Variants in DLC1 observed in about 807,000 individuals in gnomAD.
The protein encoded by DLC1 is rho GTPase-activating protein 7.
A neutral mutation model predicts 140.3 loss-of-function variants in DLC1; 54 were observed. The observed-to-expected ratio is 0.38, with a 90% CI of 0.31 to 0.48. The LOEUF is 0.48. Among genes scored for constraint, DLC1 ranks in the 20% least tolerant of loss-of-function variants. DLC1 has a pLI of 0.96. For missense variants in DLC1, 2,536 were observed against 1,907.0 expected, an observed-to-expected ratio of 1.33 and a Z score of -6.14; for synonymous variants, 986 against 728.1, an observed-to-expected ratio of 1.35 and a Z score of -5.70.
At chr8:13,580,982 C>G (rs1369276413) in intron 1 of DLC1, among the ~76,000 whole-genome samples, 3 of 152,144 alleles carry the variant, frequency 2.0e-5, no homozygotes, top group Non-Finnish European at 4.4e-5. Context: ...AAGGGGTACC[C>G]CAGCTTTCTT....
chr8:13,520,765 C>T (rs1477604047), intron 1 of DLC1, among the ~76,000 whole-genome samples: 1 of 152,106 alleles, frequency 6.6e-6, no homozygotes, highest in Non-Finnish European at 1.5e-5. Context: ...CCCAGCCATG[C>T]AAGATTTTGT....
intron 4 of DLC1, among the ~76,000 whole-genome samples, chr8:13,355,767 A>G (rs1834913110): frequency 6.6e-6 from 1 of 151,888 alleles, no homozygotes; most frequent in Non-Finnish European, 1.5e-5. Flanking sequence ...CTCTAACACA[A>G]AGTTGTACTG....
At chr8:13,597,700 C>T (rs1021085) in intron 1 of DLC1, among the ~76,000 whole-genome samples, 147,001 of 152,148 alleles carry the variant, frequency 0.97, 71,188 homozygotes, top group Non-Finnish European at 1. Flanking sequence ...CATTATGATA[C>T]AGAAAATGTG....
chr8:13,120,342 C>CA (rs1554577908), intron 5 of DLC1, among the ~76,000 whole-genome samples: 1,609 of 58,786 alleles, frequency 0.027, 128 homozygotes, highest in African/African-American at 0.071. Flanking sequence ...GACTCCGTCG[C>CA]AAAAAAAAAA....
intron 4 of DLC1, among the ~76,000 whole-genome samples, chr8:13,377,467 T>C (rs574490894): frequency 3.9e-5 from 6 of 152,320 alleles, no homozygotes; most frequent in Admixed American, 3.3e-4. Context: ...TAAACTACTA[T>C]AAACATACTC....
chr8:13,283,866 G>C (rs538903826), intron 5 of DLC1, among the ~76,000 whole-genome samples: 2 of 152,304 alleles, frequency 1.3e-5, no homozygotes, highest in Non-Finnish European at 1.5e-5. Context: ...GAGGCAGCTA[G>C]AATTTGTAGG....
chr8:13,218,443 A>G (rs1241757001), intron 5 of DLC1, among the ~76,000 whole-genome samples: 1 of 152,162 alleles, frequency 6.6e-6, no homozygotes, highest in Non-Finnish European at 1.5e-5. Context: ...ATAAAGAGAC[A>G]ACCCAAATAA....
intron 8 of DLC1, 100 bp downstream of exon 8, chr8:13,102,690 A>G (rs1404102464): frequency 4.7e-6 from 5 of 1,075,104 alleles, no homozygotes; most frequent in Non-Finnish European, 7.2e-6. Context: ...CGGAACAACA[A>G]ACTAAGAGTT....
intron 2 of DLC1, among the ~76,000 whole-genome samples, chr8:13,429,298 A>G (rs773649666): frequency 6.6e-5 from 10 of 152,240 alleles, no homozygotes; most frequent in Non-Finnish European, 1.5e-4. Context: ...TTAAAGTTTG[A>G]AAACCAGTGA....
intron 5 of DLC1, among the ~76,000 whole-genome samples, chr8:13,151,122 C>T (rs886298872): frequency 6.6e-6 from 1 of 152,112 alleles, no homozygotes; most frequent in Non-Finnish European, 1.5e-5. Context: ...CCTTATAAAA[C>T]ACGGGTAAAG....
chr8:13,149,843 C>T lies in DLC1; in HGVS notation c.1349-34186G>A, dbSNP rs147312625. On this transcript the variant is annotated intron_variant, in intron 5 of 17. Transcript: ENST00000276297. ...AAGCTCCATGAACAGCTCCTGGGGGCGTCAGGCCTCTTGTTTGCACTGGGT... is the reference window on the plus strand; with the variant it reads ...AAGCTCCATGAACAGCTCCTGGGGGTGTCAGGCCTCTTGTTTGCACTGGGT... 1.1e-4 allele frequency among the ~76,000 whole-genome samples: 17 copies of T among 152,320 alleles called. No individual in the cohort carries two copies. In the East Asian group the frequency reaches 2.9e-3, roughly 26 times the overall value.
chr8:13,550,362 C>A (rs1365445444), intron 1 of DLC1, among the ~76,000 whole-genome samples: 2 of 152,216 alleles, frequency 1.3e-5, no homozygotes, highest in East Asian at 3.9e-4. Context: ...GAGGCCTCCC[C>A]AGCCATGAGG....
chr8:13,560,352 T>A lies in DLC1; in HGVS notation c.-126+44185A>T, dbSNP rs146057098. Among the ~76,000 whole-genome samples, 1,369 of 152,338 alleles carry A rather than the reference T, an allele frequency of 9.0e-3. 23 individuals carry two copies. The highest frequency in any genetic ancestry group is 0.031 in the African/African-American group (1,308 of 41,588). On this transcript the variant is annotated intron_variant, in intron 1 of 1. Transcript: ENST00000631382. ...AATAATTTCTTACTTAAGTATGAGATGTGAGCAGTCACTCTACAGGCTGGC... is the reference window on the plus strand; with the variant it reads ...AATAATTTCTTACTTAAGTATGAGAAGTGAGCAGTCACTCTACAGGCTGGC...
intron 2 of DLC1, among the ~76,000 whole-genome samples, chr8:13,424,755 A>G (rs1838479361): frequency 6.6e-6 from 1 of 151,948 alleles, no homozygotes; most frequent in Non-Finnish European, 1.5e-5. Flanking sequence ...TTGTATTGTT[A>G]GTAGAGACGG....
chr8:13,453,784 A>C lies in DLC1; in HGVS notation c.1023+45265T>G, dbSNP rs188541049. The stretch of plus-strand genomic sequence containing the variant: ...TTGTAGAACTACTATTTTACAGTTA[A>C]ATTTCATTATAACGATGTCTTCTTT... On this transcript the variant is annotated intron_variant, in intron 2 of 17. Coordinates refer to ENST00000276297, the MANE Select transcript of DLC1 (RefSeq NM_182643.3). Among the ~76,000 whole-genome samples the C allele has an allele frequency of 4.6e-5, 7 of 151,700 alleles. No individual in the cohort carries two copies. In the East Asian group the frequency reaches 1.4e-3, roughly 29 times the overall value.
intron 5 of DLC1, among the ~76,000 whole-genome samples, chr8:13,248,744 C>T (rs141760809): frequency 6.6e-6 from 1 of 152,302 alleles, no homozygotes; most frequent in East Asian, 1.9e-4. Context: ...CTCTCCACAG[C>T]TGGGTGGAGC....
intron 2 of DLC1, among the ~76,000 whole-genome samples, chr8:13,483,289 A>G (rs187222256): frequency 6.6e-6 from 1 of 152,316 alleles, no homozygotes; most frequent in African/African-American, 2.4e-5. Flanking sequence ...TTACATCTGC[A>G]AAGACCCTTT....
chr8:13,199,166 C>T (rs922825057), intron 5 of DLC1, among the ~76,000 whole-genome samples: 1 of 144,934 alleles, frequency 6.9e-6, no homozygotes, highest in Non-Finnish European at 1.5e-5. Context: ...TAAATGTCTC[C>T]TTCTCTTTTT....
chr8:13,359,882 G>T (rs535717420), intron 4 of DLC1, among the ~76,000 whole-genome samples: 1 of 152,166 alleles, frequency 6.6e-6, no homozygotes, highest in Non-Finnish European at 1.5e-5. Context: ...GGCCATTATG[G>T]AATGAAAATC....
Sources: allele counts gnomAD v4.1 joint callset (sites outside exome capture counted in the v4.1 genomes callset), GRCh38; gene constraint gnomAD v4.1.1; transcripts MANE v1.5; gene names NCBI Gene and HGNC (gene_info 2026-07-23, HGNC 2026-07-21).